Variants in BCKDHB observed in about 807,000 individuals in gnomAD.
BCKDHB encodes the protein 2-oxoisovalerate dehydrogenase subunit beta, mitochondrial.
BCKDHB carries 41 observed loss-of-function variants against 48.5 expected under a neutral mutation model. The observed-to-expected ratio is 0.85, with a 90% CI of 0.66 to 1.10. The LOEUF is 1.10. BCKDHB is among the 50% of genes least tolerant of loss of function. The pLI is 0.00. For missense variants in BCKDHB, 496 were observed against 494.2 expected (o/e 1.00, Z -0.03); for synonymous variants, 201 against 174.8 (o/e 1.15, Z -1.18).
chr6:80,407,400 A>G, the BCKDHB span, among the ~76,000 whole-genome samples: 200 of 152,262 alleles, frequency 1.3e-3, 3 homozygotes, highest in Admixed American at 8.8e-3. Context: ...GAAGAAAGTC[A>G]TTGGTAGCTT....
the BCKDHB span, among the ~76,000 whole-genome samples, chr6:80,368,750 C>T: frequency 6.6e-6 from 1 of 151,986 alleles, no homozygotes; most frequent in Non-Finnish European, 1.5e-5. Flanking sequence ...GTGGCTCACA[C>T]CTGTAATCCC....
At chr6:80,314,824 C>T (rs898827320) in intron 9 of BCKDHB, among the ~76,000 whole-genome samples, 3 of 152,176 alleles carry the variant, frequency 2.0e-5, no homozygotes, top group African/African-American at 7.2e-5. Flanking sequence ...GGAGGTCCCA[C>T]TTAGCGAGAA....
chr6:80,313,363 T>C (rs902040518), intron 9 of BCKDHB, among the ~76,000 whole-genome samples: 2 of 152,146 alleles, frequency 1.3e-5, no homozygotes, highest in African/African-American at 2.4e-5. Context: ...GGTTTTGTTT[T>C]GTTTTGTTTT....
At chr6:80,146,955 G>A (rs1047585316) in intron 3 of BCKDHB, among the ~76,000 whole-genome samples, 1 of 152,186 alleles carries the variant, frequency 6.6e-6, no homozygotes, top group Admixed American at 6.5e-5. Flanking sequence ...GAGAAGGGGA[G>A]AATAAATACT....
chr6:80,144,830 A>G (rs1771399700), intron 3 of BCKDHB, among the ~76,000 whole-genome samples: 1 of 152,160 alleles, frequency 6.6e-6, no homozygotes, highest in Non-Finnish European at 1.5e-5. Context: ...TAAGCTGCAC[A>G]GTATTCATTT....
intron 7 of BCKDHB, among the ~76,000 whole-genome samples, chr6:80,202,886 T>G (rs1220075090): frequency 2.0e-5 from 3 of 152,106 alleles, no homozygotes; most frequent in African/African-American, 7.2e-5. Context: ...GACTTCTCTC[T>G]CTAAGCACCT....
the BCKDHB span, among the ~76,000 whole-genome samples, chr6:80,359,592 GTTGTTGT>G: frequency 1.6e-5 from 2 of 127,698 alleles, no homozygotes; most frequent in Non-Finnish European, 3.2e-5. Flanking sequence ...GTTTCTTATT[GTTGTTGT>G]TTGTTTGTTT....
chr6:80,427,984 C>T, the BCKDHB span, among the ~76,000 whole-genome samples: 4 of 151,788 alleles, frequency 2.6e-5, no homozygotes, highest in Non-Finnish European at 4.4e-5. Flanking sequence ...TGCACCGTCA[C>T]CTACATTAGG....
At chr6:80,309,580 T>C (rs1582546926) in intron 9 of BCKDHB, among the ~76,000 whole-genome samples, 1 of 152,202 alleles carries the variant, frequency 6.6e-6, no homozygotes, top group East Asian at 1.9e-4. Context: ...GGCCTGTGGT[T>C]TTTTTTGTTT....
At chr6:80,401,679 C>A in the BCKDHB span, among the ~76,000 whole-genome samples, 13 of 151,870 alleles carry the variant, frequency 8.6e-5, no homozygotes, top group Middle Eastern at 3.4e-3. Context: ...ATTAGAGCTA[C>A]AGAATTTATC....
At chr6:80,285,218 T>A (rs1467445607) in intron 9 of BCKDHB, among the ~76,000 whole-genome samples, 1 of 152,086 alleles carries the variant, frequency 6.6e-6, no homozygotes, top group Non-Finnish European at 1.5e-5. Flanking sequence ...TGAGTAATAT[T>A]CCAACATCGC....
downstream of BCKDHB, among the ~76,000 whole-genome samples, chr6:80,347,570 A>G (rs1770268443): frequency 1.3e-5 from 2 of 152,284 alleles, no homozygotes; most frequent in South Asian, 2.1e-4. Context: ...TTCTAATGCT[A>G]TATTTTCTAT....
chr6:80,107,438 T>A (rs1159337899), intron 1 of BCKDHB, among the ~76,000 whole-genome samples: 1 of 145,202 alleles, frequency 6.9e-6, no homozygotes, highest in Non-Finnish European at 1.5e-5. Flanking sequence ...TGTGTGTGTG[T>A]GTGTGTGTAT....
intron 3 of BCKDHB, among the ~76,000 whole-genome samples, chr6:80,136,497 A>G (rs571962229): frequency 2.0e-4 from 30 of 152,304 alleles, no homozygotes; most frequent in Non-Finnish European, 2.8e-4. Context: ...TAAAACTATA[A>G]AACTCTTAGA....
intron 9 of BCKDHB, among the ~76,000 whole-genome samples, chr6:80,325,135 CTG>C (rs1156744174): frequency 2.0e-5 from 3 of 152,210 alleles, no homozygotes; most frequent in East Asian, 3.9e-4. Flanking sequence ...AGAAAAAAAT[CTG>C]TGGTGTTTTA....
chr6:80,421,470 A>C, the BCKDHB span, among the ~76,000 whole-genome samples: 1 of 152,224 alleles, frequency 6.6e-6, no homozygotes, highest in Non-Finnish European at 1.5e-5. Context: ...GAAACTGGGT[A>C]ATAGGCAGAG....
At chr6:80,257,619 C>T (rs575843638) in intron 8 of BCKDHB, among the ~76,000 whole-genome samples, 13 of 152,050 alleles carry the variant, frequency 8.5e-5, no homozygotes, top group Admixed American at 3.3e-4. Flanking sequence ...AGAAGTCCTG[C>T]GACAGGCTGT....
At chr6:80,425,649 A>C in the BCKDHB span, among the ~76,000 whole-genome samples, 1 of 152,178 alleles carries the variant, frequency 6.6e-6, no homozygotes, top group African/African-American at 2.4e-5. Context: ...ATGACAATGA[A>C]ACCTAAGACA....
At chr6:80,218,016 T>A (rs1014701679) in intron 8 of BCKDHB, among the ~76,000 whole-genome samples, 3 of 152,168 alleles carry the variant, frequency 2.0e-5, no homozygotes, top group African/African-American at 7.2e-5. Context: ...GTACTATATT[T>A]CTCTGAGGCT....
Sources: gnomAD v4.1 joint callset for allele counts (sites outside exome capture counted in the v4.1 genomes callset) on GRCh38, gnomAD v4.1.1 for gene constraint, MANE v1.5 for transcripts, NCBI Gene and HGNC (gene_info 2026-07-23, HGNC 2026-07-21) for gene names.